PITPNM3: variants seen among roughly 807,000 people sequenced by gnomAD.
The protein encoded by PITPNM3 is PITPNM family member 3, also known as membrane-associated phosphatidylinositol transfer protein 3.
Under a neutral mutation model 102.0 loss-of-function variants are expected in PITPNM3, and 26 were observed. The ratio of observed to expected loss-of-function variants is 0.25; its 90% CI spans 0.19 to 0.35. The LOEUF is 0.35. Ranked by LOEUF, PITPNM3 falls within the 10% of genes least tolerant of loss-of-function variation. PITPNM3 has a pLI of 1.00. For synonymous variants in PITPNM3, 578 were observed against 558.6 expected, an observed-to-expected ratio of 1.03 and a Z score of -0.49; for missense variants, 1,083 against 1,346.1, an observed-to-expected ratio of 0.80 and a Z score of 3.06.
intron 6 of PITPNM3, chr17:6,479,775 A>G (rs538374209): frequency 4.0e-4 from 61 of 152,370 alleles, no homozygotes; most frequent in African/African-American, 1.4e-3. Flanking sequence ...CACAAATTAG[A>G]GGAAGCAGGC....
At chr17:6,481,697 T>C (rs962279758) in intron 6 of PITPNM3, 1 of 151,300 alleles carries the variant, frequency 6.6e-6, no homozygotes, top group African/African-American at 2.4e-5. Context: ...GATATTATGC[T>C]CCATCAGAGC....
chr17:6,489,896 C>T (rs1055355773), intron 4 of PITPNM3, among the ~76,000 whole-genome samples: 1 of 151,858 alleles, frequency 6.6e-6, no homozygotes, highest in African/African-American at 2.4e-5. Flanking sequence ...CCCAGCTACT[C>T]GGGAGGCTGA....
At chr17:6,535,886 T>A (rs1343255979) in intron 2 of PITPNM3, among the ~76,000 whole-genome samples, 2 of 151,826 alleles carry the variant, frequency 1.3e-5, no homozygotes, top group Non-Finnish European at 2.9e-5. Flanking sequence ...AGTGAAACCC[T>A]GTCTCTACTA....
At position 6,455,418 on chromosome 17, in the gene PITPNM3, C is replaced by G. The variant is rs1914044088; in HGVS notation, c.2845G>C (p.Glu949Gln). The change falls in exon 20 of 20, where the codon GAG becomes CAG. Residue 949 changes from glutamate to glutamine, a missense_variant. Glu to Gln is a conservative substitution (Grantham distance 29). This residue lies in a region of PITPNM3 where 208 missense variants were observed against 178.2 expected (regional missense o/e 1.17). Transcript: ENST00000262483. Reference protein sequence around the residue: ...PKPERAQSQPESDKDHERPLP... With the variant: ...PKPERAQSQPQSDKDHERPLP... ...GGCCGCTCGTGGTCTTTGTCCGACT[C>G]GGGCTGGCTCTGGGCCCGCTCGGGC... 1.2e-6 allele frequency: 2 copies of G among 1,601,810 alleles called. No homozygotes were observed. The highest frequency in any genetic ancestry group is 4.5e-5 in the East Asian group (2 of 44,542).
At position 6,470,536 on chromosome 17, in the gene PITPNM3, C is replaced by A. The variant is rs1449963135; in HGVS notation, c.1625-128G>T. 7.8e-7 allele frequency: 1 copy of A among 1,286,422 alleles called. No homozygotes were observed. Among genetic ancestry groups the A allele is most frequent in the Non-Finnish European group, 1.1e-6 (1 of 902,088 alleles). The allele number at this position is 1,286,422 out of a possible 1,614,324, so 79.7% of individuals were successfully genotyped here. ...TGGGGCACGGGTTTGGGCGGGAGCA[C>A]CCTGGCCTGGAGGAGGCCTGGGGAA... On this transcript the variant is annotated intron_variant, in intron 12 of 19. Coordinates refer to ENST00000262483, the MANE Select transcript of PITPNM3 (RefSeq NM_031220.4). This position sits in a 1 kb window ranked among gnomAD's most constrained non-coding sequence, Gnocchi z 4.8.
chr17:6,520,930 G>A (rs1908471392), intron 3 of PITPNM3, among the ~76,000 whole-genome samples: 1 of 152,196 alleles, frequency 6.6e-6, no homozygotes, highest in Non-Finnish European at 1.5e-5. Flanking sequence ...GGTACCTAGA[G>A]AAGTCAAATT....
Position 6,463,787 on chromosome 17 carries a change from C to A in PITPNM3, c.2251G>T (p.Val751Leu). 6.2e-7 allele frequency: 1 copy of A among 1,612,922 alleles called. No individual in the cohort carries two copies. The highest frequency in any genetic ancestry group is 8.5e-7 in the Non-Finnish European group (1 of 1,179,874). Residue 751 changes from valine to leucine, a missense_variant, in exon 17 of 20, where the codon GTG (valine) becomes TTG (leucine). Physicochemically the swap from Val to Leu is conservative, Grantham distance 32 (BLOSUM62 1). This residue lies in a region of PITPNM3 where 410 missense variants were observed against 638.4 expected (regional missense o/e 0.64). Transcript: ENST00000262483. ...TTGGGGTCGCTTCCCATGATAGACA[C>A]GCTGGCCGCGAAGGACCCATCAATG... is the stretch of plus-strand genomic sequence containing the variant. ...FSIDGSFAAS[V>L]SIMGSDPKVR...
intron 1 of PITPNM3, among the ~76,000 whole-genome samples, chr17:6,553,665 T>C: frequency 6.6e-6 from 1 of 152,204 alleles, no homozygotes; most frequent in East Asian, 1.9e-4. Context: ...CAGGTCATGG[T>C]GCAGACCCCT....
intron 19 of PITPNM3, 33 bp from the exon 20 acceptor site, chr17:6,455,676 G>C: frequency 7.1e-7 from 1 of 1,418,082 alleles, no homozygotes; most frequent in Non-Finnish European, 9.2e-7. Context: ...GGGGAGGGCA[G>C]GGCAGGGCAG....
intron 4 of PITPNM3, among the ~76,000 whole-genome samples, chr17:6,491,836 T>TATATATATATATATAAATATATATAA (rs148932496): frequency 7.2e-6 from 1 of 139,286 alleles, no homozygotes; most frequent in Admixed American, 7.2e-5. Context: ...TATATATATA[T>TATATATATATATATAAATATATATAA]AATAAAGAAT....
chr17:6,540,810 C>T (rs957259546), intron 1 of PITPNM3, among the ~76,000 whole-genome samples: 1 of 152,200 alleles, frequency 6.6e-6, no homozygotes, highest in African/African-American at 2.4e-5. Context: ...AGGTGCCTGC[C>T]ACCATGCCCG....
chr17:6,482,304 G>A (rs1164227911), intron 6 of PITPNM3, among the ~76,000 whole-genome samples: 4 of 152,002 alleles, frequency 2.6e-5, no homozygotes, highest in Non-Finnish European at 5.9e-5. Context: ...ACATATCTAT[G>A]TTGTCAATCA....
At position 6,454,423 on chromosome 17, in the gene PITPNM3, C is replaced by T. The variant is rs370202860; in HGVS notation, c.*915G>A. 3 of 152,402 alleles carry T rather than the reference C, an allele frequency of 2.0e-5. No individual in the cohort carries two copies. Among genetic ancestry groups the T allele is most frequent in the South Asian group, 2.1e-4 (1 of 4,830 alleles). 9.4% of individuals were successfully genotyped at this position (152,402 alleles called of 1,614,324 possible). ...TGAAAGGTGTGGGTCACAGGACACT[C>T]GGAGGGACCCTTAGGCCTGAAGAGC... On this transcript the variant is annotated 3_prime_UTR_variant, in exon 20 of 20. Coordinates refer to ENST00000262483, the MANE Select transcript of PITPNM3 (RefSeq NM_031220.4).
chr17:6,506,131 G>A (rs367909513), intron 3 of PITPNM3, among the ~76,000 whole-genome samples: 4 of 152,140 alleles, frequency 2.6e-5, no homozygotes, highest in African/African-American at 9.6e-5. Context: ...GGAGCTTGCA[G>A]ACTCTTCCAA....
In PITPNM3 at chr17:6,525,421, C is replaced by A; in HGVS notation, c.161G>T (p.Ser54Ile). The change falls in exon 3 of 20, where the codon AGC (serine) becomes ATC (isoleucine). Residue 54 changes from serine (S) to isoleucine (I), a missense_variant. By Grantham distance (142) the Ser-to-Ile change is moderately radical. Coordinates refer to ENST00000262483, the MANE Select transcript of PITPNM3 (RefSeq NM_031220.4). ...EGKNAILIGM[S>I]QWNSNDLVEQ... ...CACGAGGTCATTGGAGTTCCACTGG[C>A]TCATCCCAATGAGGATGGCATTCTT... 6.2e-7 allele frequency: 1 copy of A among 1,614,228 alleles called. No individual in the cohort carries two copies. Among genetic ancestry groups the A allele is most frequent in the Non-Finnish European group, 8.5e-7 (1 of 1,180,048 alleles).
chr17:6,480,709 A>T (rs1597374087), intron 6 of PITPNM3: 1 of 152,394 alleles, frequency 6.6e-6, no homozygotes, highest in Admixed American at 6.5e-5. Flanking sequence ...TGCCAGCCCC[A>T]GTGATCTGCC....
chr17:6,486,011 T>C (rs190934114), intron 4 of PITPNM3, among the ~76,000 whole-genome samples: 1 of 152,270 alleles, frequency 6.6e-6, no homozygotes, highest in African/African-American at 2.4e-5. Flanking sequence ...GAAATGTCTG[T>C]CAACCCCTGA....
At chr17:6,555,364 G>A (rs1910546469) in intron 1 of PITPNM3, among the ~76,000 whole-genome samples, 1 of 152,194 alleles carries the variant, frequency 6.6e-6, no homozygotes. Context: ...ACAGCCCGAT[G>A]GTATTCACAC....
intron 4 of PITPNM3, among the ~76,000 whole-genome samples, chr17:6,485,147 T>C (rs993499507): frequency 5.9e-5 from 9 of 151,844 alleles, no homozygotes; most frequent in Non-Finnish European, 1.0e-4. Context: ...TAAGTCTCTT[T>C]TTAATTTTCT....
Sources: gnomAD v4.1 joint callset for allele counts (sites outside exome capture counted in the v4.1 genomes callset) on GRCh38, gnomAD v4.1.1 for gene constraint, gnomAD v4.1.1 regional missense constraint, Gnocchi (gnomAD v3.1) non-coding constraint, MANE v1.5 for transcripts, NCBI Gene and HGNC (gene_info 2026-07-23, HGNC 2026-07-21) for gene names.